The following PARD3B variants were observed in gnomAD, a reference collection of about 807,000 sequenced individuals.
PARD3B encodes the protein par-3 family cell polarity regulator beta, also known as partitioning defective 3 homolog B.
In PARD3B, 103 loss-of-function variants were observed where a neutral mutation model predicts 130.2. That is an observed-to-expected ratio of 0.79 (90% confidence interval 0.67 to 0.93). PARD3B has a LOEUF of 0.93. PARD3B is among the 40% of genes least tolerant of loss of function. The pLI is 0.00. For synonymous variants in PARD3B, 583 were observed against 553.2 expected, an observed-to-expected ratio of 1.05 and a Z score of -0.76; for missense variants, 1,609 against 1,499.2, an observed-to-expected ratio of 1.07 and a Z score of -1.21.
intron 21 of PARD3B, among the ~76,000 whole-genome samples, chr2:205,513,303 A>G (rs906573743): frequency 3.9e-5 from 6 of 152,060 alleles, no homozygotes; most frequent in Non-Finnish European, 8.8e-5. Context: ...CCTTTTCCCA[A>G]TTTAAGAAAA....
rs1451176649 is a variant in PARD3B at position 204,683,608 on chromosome 2, GGTTTATTGAC to G, written c.121-2572_121-2563del. 2.6e-5 allele frequency among the ~76,000 whole-genome samples: 4 copies of G among 152,172 alleles called. No individual in the cohort carries two copies. In the South Asian group the frequency reaches 6.2e-4, roughly 24 times the overall value. On this transcript the variant is annotated intron_variant, in intron 1 of 22. Transcript: ENST00000406610. ...AAAAATCACAGTTGGTATGTACTGTGGTTTATTGACATTTTGCCCCCTCTCAGATGTGTAA... is the reference window on the plus strand; with the variant it reads ...AAAAATCACAGTTGGTATGTACTGTGATTTTGCCCCCTCTCAGATGTGTAA...
intron 19 of PARD3B, among the ~76,000 whole-genome samples, chr2:205,428,888 G>C (rs1034981925): frequency 1.3e-5 from 2 of 152,106 alleles, no homozygotes; most frequent in Non-Finnish European, 2.9e-5. Context: ...CTAGGGCCCA[G>C]ATTGTGGTCT....
intron 2 of PARD3B, among the ~76,000 whole-genome samples, chr2:204,778,503 A>G (rs1427962898): frequency 2.0e-5 from 3 of 152,172 alleles, no homozygotes; most frequent in East Asian, 3.9e-4. Flanking sequence ...AATTTCAGGT[A>G]GAGTGTGTAG....
chr2:204,777,244 C>A (rs1227548228), intron 2 of PARD3B, among the ~76,000 whole-genome samples: 1 of 151,800 alleles, frequency 6.6e-6, no homozygotes, highest in Non-Finnish European at 1.5e-5. Context: ...CATTTTTTTT[C>A]CCCTGGAGCT....
rs1373238316 is a variant in PARD3B, at chr2:205,116,747, TG to T, written c.681-2172del. On this transcript the variant is annotated intron_variant, in intron 6 of 22. Coordinates refer to ENST00000406610, the MANE Select transcript of PARD3B (RefSeq NM_001302769.2). The surrounding 1 kb of genome is among the most constrained non-coding windows in gnomAD (Gnocchi z 4.5). ...TTCCACGGAGCAGAGAGGGCAGAAG[TG>T]GTTTGTTGCCAGGGACCAAACTAAT... Among the ~76,000 whole-genome samples, 1 of 152,130 alleles carries T rather than the reference TG, an allele frequency of 6.6e-6. No homozygotes were observed. Among genetic ancestry groups the T allele is most frequent in the Non-Finnish European group, 1.5e-5 (1 of 68,032 alleles).
intron 3 of PARD3B, among the ~76,000 whole-genome samples, chr2:205,023,657 T>C (rs1696800563): frequency 6.6e-6 from 1 of 150,628 alleles, no homozygotes; most frequent in African/African-American, 2.4e-5. Context: ...AATTCAATAC[T>C]GCAGCCAGGA....
intron 1 of PARD3B, among the ~76,000 whole-genome samples, chr2:204,569,199 A>G (rs75798426): frequency 0.069 from 10,494 of 152,252 alleles, 494 homozygotes; most frequent in Non-Finnish European, 0.1. Context: ...AACATTCTTG[A>G]AAAGAATTGC....
At chr2:205,162,868 T>A (rs10490301) in intron 11 of PARD3B, among the ~76,000 whole-genome samples, 1 of 152,172 alleles carries the variant, frequency 6.6e-6, no homozygotes, top group Non-Finnish European at 1.5e-5. Context: ...GATATTTTTA[T>A]GTTCATTTGC....
intron 20 of PARD3B, among the ~76,000 whole-genome samples, chr2:205,457,695 T>C (rs1020073769): frequency 6.6e-6 from 1 of 151,702 alleles, no homozygotes; most frequent in Non-Finnish European, 1.5e-5. Flanking sequence ...TTGCCAGTGA[T>C]TTTTTTCTTC....
chr2:205,381,174 ATATATATAAAGAATATATAT>A, intron 18 of PARD3B, among the ~76,000 whole-genome samples: 1 of 117,292 alleles, frequency 8.5e-6, no homozygotes, highest in African/African-American at 3.5e-5. Flanking sequence ...AGAATATATA[ATATATATAAAGAATATATAT>A]TATATATAAT....
intron 3 of PARD3B, among the ~76,000 whole-genome samples, chr2:205,035,990 A>G (rs910388505): frequency 6.9e-6 from 1 of 145,188 alleles, no homozygotes; most frequent in Non-Finnish European, 1.5e-5. Context: ...ATATAGTAGA[A>G]TATATATAAT....
At chr2:205,239,979 A>C (rs2039280484) in intron 15 of PARD3B, among the ~76,000 whole-genome samples, 1 of 151,916 alleles carries the variant, frequency 6.6e-6, no homozygotes, top group Admixed American at 6.6e-5. Context: ...TGTGTGTTTC[A>C]ATAGATGGAA....
chr2:205,049,551 T>A (rs969626126), intron 4 of PARD3B, among the ~76,000 whole-genome samples: 3 of 152,124 alleles, frequency 2.0e-5, no homozygotes, highest in African/African-American at 7.2e-5. Context: ...GGTCCTCCAA[T>A]GTTTATTTCC....
intron 21 of PARD3B, among the ~76,000 whole-genome samples, chr2:205,551,279 A>T (rs1293509785): frequency 1.3e-5 from 2 of 151,868 alleles, no homozygotes; most frequent in East Asian, 1.9e-4. Context: ...GAAATAGTTT[A>T]AAAACACAAG....
Position 205,210,597 on chromosome 2 carries a change from C to T in PARD3B, c.2140+17277C>T, listed in dbSNP as rs569885731. ...TTATGTTATCATTATAATTTCTATA[C>T]GTGTACTCCCCAGCCAGATGATGTA... is the stretch of plus-strand genomic sequence containing the variant. On this transcript the variant is annotated intron_variant, in intron 15 of 22. Coordinates refer to ENST00000406610, the MANE Select transcript of PARD3B (RefSeq NM_001302769.2). Among the ~76,000 whole-genome samples, 19 of 152,146 alleles carry T rather than the reference C, an allele frequency of 1.2e-4. 1 individual carries two copies. Among genetic ancestry groups the T allele is most frequent in the African/African-American group, 4.3e-4 (18 of 41,518 alleles).
chr2:205,145,248 C>G (rs2033266467), intron 10 of PARD3B, among the ~76,000 whole-genome samples: 1 of 151,978 alleles, frequency 6.6e-6, no homozygotes, highest in Non-Finnish European at 1.5e-5. Context: ...ATGGCACTTC[C>G]TAAGATCTCA....
intron 22 of PARD3B, among the ~76,000 whole-genome samples, chr2:205,579,441 G>T (rs1178176276): frequency 6.6e-6 from 1 of 152,160 alleles, no homozygotes; most frequent in African/African-American, 2.4e-5. Flanking sequence ...CCCCAAAGGG[G>T]TGTCTGTGCC....
chr2:205,411,890 G>A (rs2046611245), intron 19 of PARD3B, among the ~76,000 whole-genome samples: 1 of 152,172 alleles, frequency 6.6e-6, no homozygotes, highest in Non-Finnish European at 1.5e-5. Context: ...CACATTCAGG[G>A]AGAAGGGACA....
chr2:204,679,682 T>A (rs115114669), intron 1 of PARD3B, among the ~76,000 whole-genome samples: 2,079 of 152,196 alleles, frequency 0.014, 44 homozygotes, highest in African/African-American at 0.048. Context: ...TAATTTTTTT[T>A]AATCTTTAAC....
Sources: gnomAD v4.1 joint callset for allele counts (sites outside exome capture counted in the v4.1 genomes callset) on GRCh38, gnomAD v4.1.1 for gene constraint, Gnocchi (gnomAD v3.1) non-coding constraint, MANE v1.5 for transcripts, NCBI Gene and HGNC (gene_info 2026-07-23, HGNC 2026-07-21) for gene names.